The following IRAK2 variants were observed in gnomAD, a reference collection of about 807,000 sequenced individuals.
IRAK2 encodes the protein interleukin 1 receptor associated kinase 2.
A neutral mutation model predicts 72.0 loss-of-function variants in IRAK2; 57 were observed. That is an observed-to-expected ratio of 0.79 (90% CI 0.64 to 0.99). The LOEUF (loss-of-function observed/expected upper bound fraction) is 0.99, where lower values mean the gene tolerates loss of function less well. IRAK2 is among the 50% of genes least tolerant of loss of function. The pLI is 0.00. For missense variants in IRAK2, 790 were observed against 794.4 expected (o/e 0.99, Z 0.07); for synonymous variants, 293 against 312.7 (o/e 0.94, Z 0.67).
rs537144729 is a variant in IRAK2, at chr3:10,217,197, A to G, written c.903+149A>G. On this transcript the variant is annotated intron_variant, in intron 7 of 12. Transcript: ENST00000256458. ...AAGGAGAGAAGTGGGGCCAGGATAC[A>G]TAAGATCTGGTTAAGTGCTCACTTT... The G allele has an allele frequency of 2.2e-5, 14 of 626,612 alleles. No homozygotes were observed. The East Asian group carries it at 3.8e-4, about 17-fold the overall frequency. The allele number at this position is 626,612 out of a possible 1,614,324, so 38.8% of individuals were successfully genotyped here.
At chr3:10,234,704 G>T in intron 11 of IRAK2, 45 bp downstream of exon 11, 1 of 1,552,856 alleles carries the variant, frequency 6.4e-7, no homozygotes. Context: ...CCACGCGTGG[G>T]TCCACCTCAT....
At chr3:10,231,735 C>T (rs548043024) in intron 10 of IRAK2, among the ~76,000 whole-genome samples, 2 of 152,254 alleles carry the variant, frequency 1.3e-5, no homozygotes, top group South Asian at 2.1e-4. Flanking sequence ...AGGCGAGTTT[C>T]GAGCTCCTGG....
At chr3:10,177,235 C>T (rs1211385228) in intron 1 of IRAK2, among the ~76,000 whole-genome samples, 1 of 152,138 alleles carries the variant, frequency 6.6e-6, no homozygotes, top group Non-Finnish European at 1.5e-5. Context: ...CACCTGGCCT[C>T]ATACACTTGT....
intron 3 of IRAK2, among the ~76,000 whole-genome samples, chr3:10,209,021 T>C (rs1159050854): frequency 6.6e-6 from 1 of 152,052 alleles, no homozygotes; most frequent in Non-Finnish European, 1.5e-5. Flanking sequence ...TATCTGCTTG[T>C]TGAAAACGTT....
chr3:10,212,072 T>C (rs1294999059), intron 4 of IRAK2, among the ~76,000 whole-genome samples: 1 of 129,968 alleles, frequency 7.7e-6, no homozygotes, highest in Non-Finnish European at 1.7e-5. Flanking sequence ...AGTACGAGAC[T>C]CTGTCTCAAA....
rs1193874536 is a variant in IRAK2, at chr3:10,243,543, C to G, written c.*1315C>G. 2 of 152,544 alleles carry G rather than the reference C, an allele frequency of 1.3e-5. No individual in the cohort carries two copies. Among genetic ancestry groups the G allele is most frequent in the African/African-American group, 2.4e-5 (1 of 41,418 alleles). 9.4% of individuals were successfully genotyped at this position (152,544 alleles called of 1,614,324 possible). ...AGAAGCACTTGGAAAATGCACTTGT[C>G]CTGTTTTGTAAAATAAAAAGGTATT... On this transcript the variant is annotated 3_prime_UTR_variant, in exon 13 of 13. Coordinates refer to ENST00000256458, the MANE Select transcript of IRAK2 (RefSeq NM_001570.4).
chr3:10,239,053 C>G lies in IRAK2; in HGVS notation c.1765+14C>G, dbSNP rs532506664. ...CTCCCCAGGATGGTAAGCCGGAAGTCAGAGTGCATTTGGATGCTCATGTGT... is the reference window on the plus strand; with the variant it reads ...CTCCCCAGGATGGTAAGCCGGAAGTGAGAGTGCATTTGGATGCTCATGTGT... On this transcript the variant is annotated intron_variant, in intron 12 of 12. Transcript: ENST00000256458. 3.8e-6 allele frequency: 6 copies of G among 1,570,974 alleles called. No individual in the cohort carries two copies. The East Asian group carries it at 1.1e-4, about 29-fold the overall frequency.
rs1697554861 is a variant in IRAK2, at chr3:10,213,436, C to T, written c.723+35C>T. Reference sequence around the variant, plus strand: ...TCTTGGTTTCTAGTGGGGGTGGAGGCTGCAGGGGTGGGGCGGGATCTTCAT... The same window carrying T: ...TCTTGGTTTCTAGTGGGGGTGGAGGTTGCAGGGGTGGGGCGGGATCTTCAT... On this transcript the variant is annotated intron_variant, in intron 5 of 12. Transcript: ENST00000256458. 4.3e-6 allele frequency: 7 copies of T among 1,610,380 alleles called. No individual in the cohort carries two copies. In the East Asian group the frequency reaches 1.6e-4, roughly 36 times the overall value.
chr3:10,209,347 T>C (rs1697483417), intron 3 of IRAK2, among the ~76,000 whole-genome samples: 1 of 152,178 alleles, frequency 6.6e-6, no homozygotes, highest in South Asian at 2.1e-4. Context: ...ACCTCCGGTG[T>C]CTCCGTGTCT....
intron 9 of IRAK2, among the ~76,000 whole-genome samples, chr3:10,225,543 C>T (rs539143948): frequency 5.3e-5 from 8 of 152,186 alleles, no homozygotes; most frequent in South Asian, 2.1e-4. Flanking sequence ...CGAGTGGATG[C>T]GCTAATGAAT....
chr3:10,219,783 T>C lies in IRAK2; in HGVS notation c.1007T>C (p.Val336Ala). Residue 336 changes from valine (V) to alanine (A), a missense_variant, in exon 8 of 13, where the codon GTC becomes GCC. Coordinates refer to ENST00000256458, the MANE Select transcript of IRAK2 (RefSeq NM_001570.4). The part of the protein sequence containing the change: ...LHGLEIIHSN[V>A]KSSNVLLDQN... ...GGTCTGGAGATCATCCACAGCAACG[T>C]CAAGAGGTGAGAGAGGTGGGCTGGA... is the stretch of plus-strand genomic sequence containing the variant. 6.2e-7 allele frequency: 1 copy of C among 1,611,604 alleles called. No individual in the cohort carries two copies. The highest frequency in any genetic ancestry group is 8.5e-7 in the Non-Finnish European group (1 of 1,177,860).
chr3:10,183,990 G>A (rs543017432), intron 2 of IRAK2, among the ~76,000 whole-genome samples: 53 of 152,332 alleles, frequency 3.5e-4, no homozygotes, highest in South Asian at 1.0e-3. Context: ...TCAAGTGGCA[G>A]CTCCGTGGTT....
intron 2 of IRAK2, among the ~76,000 whole-genome samples, chr3:10,180,171 G>C (rs554794847): frequency 6.6e-6 from 1 of 152,202 alleles, no homozygotes; most frequent in East Asian, 1.9e-4. Flanking sequence ...AGGCAGTGGG[G>C]ATGGGGGGTC....
chr3:10,204,097 C>T (rs895142520), intron 3 of IRAK2, among the ~76,000 whole-genome samples: 3 of 152,250 alleles, frequency 2.0e-5, no homozygotes, highest in African/African-American at 7.2e-5. Flanking sequence ...ACTTACTCTA[C>T]ACATAGTTTC....
intron 11 of IRAK2, 29 bp downstream of exon 11, chr3:10,234,688 C>T (rs1249760490): frequency 1.9e-6 from 3 of 1,597,066 alleles, no homozygotes; most frequent in Non-Finnish European, 2.6e-6. Flanking sequence ...GGCCTCGCTG[C>T]CTGGGCCACG....
chr3:10,178,460 G>GA (rs1254062484), intron 2 of IRAK2, among the ~76,000 whole-genome samples: 86 of 130,130 alleles, frequency 6.6e-4, no homozygotes, highest in South Asian at 5.7e-3. Flanking sequence ...GTCTCCAAAA[G>GA]AAAAAAAAAA....
At chr3:10,188,802 G>A (rs867685430) in intron 2 of IRAK2, among the ~76,000 whole-genome samples, 6 of 152,250 alleles carry the variant, frequency 3.9e-5, no homozygotes, top group Middle Eastern at 3.4e-3. Context: ...CTGGGATTAC[G>A]GGTGTGAACC....
intron 8 of IRAK2, among the ~76,000 whole-genome samples, chr3:10,221,735 C>T (rs1697696452): frequency 6.6e-6 from 1 of 152,028 alleles, no homozygotes; most frequent in South Asian, 2.1e-4. Flanking sequence ...CCATGCTGCC[C>T]ATGCTGGTCT....
At chr3:10,202,253 C>T (rs1363398908) in intron 3 of IRAK2, among the ~76,000 whole-genome samples, 7 of 152,110 alleles carry the variant, frequency 4.6e-5, no homozygotes, top group Admixed American at 3.3e-4. Context: ...ATTGTAGGGG[C>T]GTGCTGGTCA....
Sources: allele counts gnomAD v4.1 joint callset (sites outside exome capture counted in the v4.1 genomes callset), GRCh38; gene constraint gnomAD v4.1.1; transcripts MANE v1.5; gene names NCBI Gene and HGNC (gene_info 2026-07-23, HGNC 2026-07-21).